The following DNAH11 variants were observed in gnomAD, a reference collection of about 807,000 sequenced individuals.
DNAH11 encodes the protein dynein axonemal heavy chain 11.
Under a neutral mutation model 526.0 loss-of-function variants are expected in DNAH11, and 442 were observed. The ratio of observed to expected loss-of-function variants is 0.84; its 90% confidence interval spans 0.78 to 0.91. The LOEUF (loss-of-function observed/expected upper bound fraction) is 0.91, where lower values mean the gene tolerates loss of function less well. Among genes scored for constraint, DNAH11 ranks in the 40% least tolerant of loss-of-function variants. DNAH11 has a pLI of 0.00. For missense variants in DNAH11, 6,989 were observed against 5,448.7 expected (o/e 1.28, Z -8.90); for synonymous variants, 2,461 against 1,935.9 (o/e 1.27, Z -7.12).
chr7:21,840,676 A>C (rs1302172920), intron 65 of DNAH11, among the ~76,000 whole-genome samples: 6 of 152,212 alleles, frequency 3.9e-5, no homozygotes, highest in African/African-American at 1.4e-4. Context: ...GTATGAAAAC[A>C]TCTCATGTAC....
chr7:21,816,520 T>C lies in DNAH11; in HGVS notation c.10386T>C (p.Asp3462=), dbSNP rs369873392. ...GLDLISMLTD[D]ATIAAWNNEG... ...ACTTGATATCCATGTTGACGGATGA[T>C]GCTACAATTGCCGCCTGGAATAACG... Residue 3462 remains aspartate, a synonymous_variant, in exon 64 of 82, where the codon GAT becomes GAC. Coordinates refer to ENST00000409508, the MANE Select transcript of DNAH11 (RefSeq NM_001277115.2). The C allele has an allele frequency of 2.3e-5, 37 of 1,612,382 alleles. No individual in the cohort carries two copies. The African/African-American group carries it at 4.9e-4, about 21-fold the overall frequency.
At chr7:21,783,635 C>G (rs184163089) in intron 57 of DNAH11, among the ~76,000 whole-genome samples, 1 of 152,120 alleles carries the variant, frequency 6.6e-6, no homozygotes, top group African/African-American at 2.4e-5. Flanking sequence ...GGAGGATAAG[C>G]CACTTCCCAC....
intron 65 of DNAH11, among the ~76,000 whole-genome samples, chr7:21,832,261 T>G (rs904823537): frequency 2.0e-5 from 3 of 152,208 alleles, no homozygotes; most frequent in Non-Finnish European, 2.9e-5. Context: ...TTGATGCAGT[T>G]TCTTCATATG....
intron 28 of DNAH11, among the ~76,000 whole-genome samples, chr7:21,652,563 ATGTT>A (rs66537554): frequency 0.36 from 55,240 of 151,734 alleles, 11,706 homozygotes; most frequent in Non-Finnish European, 0.48. Flanking sequence ...ATCTCCCTGT[ATGTT>A]TATAACCAAC....
At chr7:21,766,597 T>A (rs914824789) in intron 55 of DNAH11, among the ~76,000 whole-genome samples, 16 of 152,160 alleles carry the variant, frequency 1.1e-4, no homozygotes, top group African/African-American at 3.9e-4. Context: ...TACATTTTGT[T>A]GTATATTGTA....
chr7:21,816,066 G>A (rs1323687118), intron 63 of DNAH11, among the ~76,000 whole-genome samples: 1 of 152,092 alleles, frequency 6.6e-6, no homozygotes, highest in Non-Finnish European at 1.5e-5. Context: ...AAAATGAAGT[G>A]CCTGAGCAAG....
chr7:21,895,223 C>T (rs758211847), intron 79 of DNAH11, among the ~76,000 whole-genome samples: 24 of 152,290 alleles, frequency 1.6e-4, no homozygotes, highest in Non-Finnish European at 2.5e-4. Flanking sequence ...GAAATTCTGT[C>T]GCTCACTCAT....
intron 53 of DNAH11, 57 bp downstream of exon 53, chr7:21,749,858 T>C: frequency 6.2e-7 from 1 of 1,605,804 alleles, no homozygotes; most frequent in Non-Finnish European, 8.5e-7. Flanking sequence ...TTATCTGTAG[T>C]TTCAGTGAAC....
At chr7:21,864,993 A>T (rs1486527995) in intron 70 of DNAH11, among the ~76,000 whole-genome samples, 2 of 152,184 alleles carry the variant, frequency 1.3e-5, no homozygotes, top group Admixed American at 1.3e-4. Context: ...AATTTCCTTA[A>T]AAATTTGTTT....
chr7:21,768,581 G>A (rs79731060), intron 55 of DNAH11, among the ~76,000 whole-genome samples: 4,065 of 152,218 alleles, frequency 0.027, 182 homozygotes, highest in Admixed American at 0.11. Flanking sequence ...CTGTCCTTAT[G>A]TGGTGCCACT....
Position 21,650,641 on chromosome 7 carries a change from A to G in DNAH11, c.4945-5191A>G, listed in dbSNP as rs1787585483. ...TGTTATTTAATTTTATTATTTTATT[A>G]TTATTTTTTTCTTTGGAGATGGAGT... On this transcript the variant is annotated intron_variant, in intron 28 of 81. Transcript: ENST00000409508. 2.1e-5 allele frequency among the ~76,000 whole-genome samples: 3 copies of G among 140,648 alleles called. 1 individual carries two copies. Among genetic ancestry groups the G allele is most frequent in the South Asian group, 4.4e-4 (2 of 4,544 alleles). The allele number at this position is 140,648 out of a possible 152,430, so 92.3% of individuals were successfully genotyped here. A position where few individuals can be genotyped will look rare whatever the true frequency, so the allele number is the denominator to read the frequency against.
At chr7:21,649,993 G>A (rs1787554102) in intron 28 of DNAH11, among the ~76,000 whole-genome samples, 1 of 152,010 alleles carries the variant, frequency 6.6e-6, no homozygotes, top group African/African-American at 2.4e-5. Context: ...CTTGTGGTAA[G>A]CACAAGAGTT....
At chr7:21,780,578 A>AT (rs138221840) in intron 57 of DNAH11, among the ~76,000 whole-genome samples, 16 of 151,952 alleles carry the variant, frequency 1.1e-4, no homozygotes, top group Admixed American at 4.6e-4. Flanking sequence ...TACTCTAGAG[A>AT]TTTTTTTTTG....
At chr7:21,577,437 A>G (rs928687375) in intron 8 of DNAH11, among the ~76,000 whole-genome samples, 2 of 152,014 alleles carry the variant, frequency 1.3e-5, no homozygotes, top group African/African-American at 4.8e-5. Flanking sequence ...CCAGGAATGA[A>G]CTTCATTCTC....
At chr7:21,683,506 T>A (rs1339572368) in intron 31 of DNAH11, among the ~76,000 whole-genome samples, 1 of 148,524 alleles carries the variant, frequency 6.7e-6, no homozygotes, top group Non-Finnish European at 1.5e-5. Flanking sequence ...ACAAGATTTA[T>A]CTAATCCCCT....
intron 2 of DNAH11, among the ~76,000 whole-genome samples, chr7:21,553,929 G>A (rs2128428642): frequency 6.6e-6 from 1 of 151,774 alleles, no homozygotes; most frequent in South Asian, 2.1e-4. Flanking sequence ...TTAATGTCAG[G>A]CCAGCTCTTT....
chr7:21,643,182 T>C (rs922712175), intron 28 of DNAH11, among the ~76,000 whole-genome samples: 4 of 152,202 alleles, frequency 2.6e-5, no homozygotes, highest in Non-Finnish European at 4.4e-5. Flanking sequence ...TTGGTATTTT[T>C]TTCCCCTTTC....
intron 6 of DNAH11, among the ~76,000 whole-genome samples, chr7:21,568,032 G>T (rs73682622): frequency 2.5e-3 from 376 of 152,298 alleles, no homozygotes; most frequent in African/African-American, 8.6e-3. Context: ...TAAAGTCTGA[G>T]TAGTCGAGTG....
At chr7:21,830,773 A>G (rs1013060912) in intron 65 of DNAH11, among the ~76,000 whole-genome samples, 2 of 152,122 alleles carry the variant, frequency 1.3e-5, no homozygotes, top group Non-Finnish European at 2.9e-5. Context: ...TACTCACCCC[A>G]TGTCCTAGCC....
Sources: gnomAD v4.1 joint callset for allele counts (sites outside exome capture counted in the v4.1 genomes callset) on GRCh38, gnomAD v4.1.1 for gene constraint, MANE v1.5 for transcripts, NCBI Gene and HGNC (gene_info 2026-07-23, HGNC 2026-07-21) for gene names.